The following GALNT13 variants were observed in gnomAD, a reference collection of about 807,000 sequenced individuals.
The protein encoded by GALNT13 is polypeptide N-acetylgalactosaminyltransferase 13.
In GALNT13, 28 loss-of-function variants were observed where a neutral mutation model predicts 64.2. The observed-to-expected ratio is 0.44, with a 90% confidence interval of 0.32 to 0.60. The LOEUF is 0.60. Among genes scored for constraint, GALNT13 ranks in the 20% least tolerant of loss-of-function variants. The pLI is 0.05. For synonymous variants in GALNT13, 214 were observed against 224.6 expected (o/e 0.95, Z 0.42); for missense variants, 577 against 669.8 (o/e 0.86, Z 1.53).
At chr2:153,497,552 TTTTG>T in the GALNT13 span, among the ~76,000 whole-genome samples, 1 of 130,166 alleles carries the variant, frequency 7.7e-6, no homozygotes, top group Non-Finnish European at 1.6e-5. Flanking sequence ...TTTTTTTTTT[TTTTG>T]AGACAGAGTT....
chr2:153,925,823 G>A (rs1356639625), intron 2 of GALNT13, among the ~76,000 whole-genome samples: 1 of 152,032 alleles, frequency 6.6e-6, no homozygotes, highest in Non-Finnish European at 1.5e-5. Context: ...TGTGGCAGTT[G>A]TGAATGGAAG....
the GALNT13 span, among the ~76,000 whole-genome samples, chr2:153,737,569 C>T: frequency 5.9e-5 from 9 of 152,134 alleles, no homozygotes; most frequent in East Asian, 1.4e-3. Flanking sequence ...TGTTTATCTA[C>T]CCTATTTTTA....
At chr2:153,070,348 G>A in the GALNT13 span, among the ~76,000 whole-genome samples, 1 of 152,128 alleles carries the variant, frequency 6.6e-6, no homozygotes, top group Admixed American at 6.6e-5. Context: ...TAGAGCATCA[G>A]GCATTTTTAG....
At chr2:153,787,870 C>T in the GALNT13 span, among the ~76,000 whole-genome samples, 149 of 152,128 alleles carry the variant, frequency 9.8e-4, no homozygotes, top group Non-Finnish European at 1.7e-3. Flanking sequence ...CTGTCTGAAA[C>T]AATACAGTCA....
chr2:153,070,781 T>C, the GALNT13 span, among the ~76,000 whole-genome samples: 1 of 152,198 alleles, frequency 6.6e-6, no homozygotes, highest in African/African-American at 2.4e-5. Context: ...TGACTCTGTA[T>C]ATATTTATTA....
the GALNT13 span, among the ~76,000 whole-genome samples, chr2:153,144,008 A>T: frequency 2.0e-5 from 3 of 152,020 alleles, no homozygotes; most frequent in African/African-American, 7.2e-5. Context: ...ATGAATGCGT[A>T]CGAAATACGC....
chr2:153,115,125 G>A, the GALNT13 span, among the ~76,000 whole-genome samples: 1 of 151,932 alleles, frequency 6.6e-6, no homozygotes, highest in African/African-American at 2.4e-5. Flanking sequence ...GACTGTCCAG[G>A]TAAAGGCTTG....
intron 3 of GALNT13, among the ~76,000 whole-genome samples, chr2:153,993,431 C>CA (rs1695295213): frequency 6.6e-6 from 1 of 151,954 alleles, no homozygotes; most frequent in Non-Finnish European, 1.5e-5. Flanking sequence ...CACAGTGGCT[C>CA]ACACCTGTAA....
At chr2:154,445,745 A>T in intron 12 of GALNT13, 1 of 1,159,736 alleles carries the variant, frequency 8.6e-7, no homozygotes, top group Non-Finnish European at 1.1e-6. Flanking sequence ...GAAGTAGCTT[A>T]ATTTTAACAG....
intron 9 of GALNT13, among the ~76,000 whole-genome samples, chr2:154,394,077 C>A (rs1412647010): frequency 1.9e-4 from 6 of 32,008 alleles, no homozygotes; most frequent in African/African-American, 4.4e-4. Context: ...GACTCCGTCT[C>A]AAAAAAAAAA....
At chr2:153,561,847 C>T in the GALNT13 span, among the ~76,000 whole-genome samples, 3 of 152,010 alleles carry the variant, frequency 2.0e-5, no homozygotes, top group African/African-American at 4.8e-5. Context: ...TAAAAAATTT[C>T]TATTTGTAAA....
intron 1 of GALNT13, among the ~76,000 whole-genome samples, chr2:153,889,878 A>G (rs1034615408): frequency 1.3e-5 from 2 of 151,954 alleles, no homozygotes; most frequent in African/African-American, 4.8e-5. Flanking sequence ...CAGTGGGTTC[A>G]TGCTCATGGC....
chr2:153,814,482 T>G, the GALNT13 span, among the ~76,000 whole-genome samples: 4 of 144,000 alleles, frequency 2.8e-5, no homozygotes, highest in African/African-American at 9.9e-5. Flanking sequence ...AATAAATAAA[T>G]AAATAAATAA....
the GALNT13 span, among the ~76,000 whole-genome samples, chr2:153,540,851 C>G: frequency 3.3e-5 from 5 of 152,212 alleles, no homozygotes; most frequent in Non-Finnish European, 2.9e-5. Context: ...CCCATTGTAT[C>G]TAGAAAGTAA....
intron 9 of GALNT13, among the ~76,000 whole-genome samples, chr2:154,303,622 A>G (rs1693570808): frequency 6.6e-6 from 1 of 152,132 alleles, no homozygotes; most frequent in East Asian, 1.9e-4. Context: ...ATTTCATCTT[A>G]ACTCCTATAT....
At chr2:153,146,357 C>A in the GALNT13 span, among the ~76,000 whole-genome samples, 2 of 151,832 alleles carry the variant, frequency 1.3e-5, no homozygotes, top group Non-Finnish European at 2.9e-5. Context: ...TTACATCCAG[C>A]TTTAATCTAA....
the GALNT13 span, among the ~76,000 whole-genome samples, chr2:153,484,610 T>G: frequency 1.3e-5 from 2 of 152,338 alleles, no homozygotes; most frequent in East Asian, 3.9e-4. Flanking sequence ...TATCCTAATC[T>G]TTAGAGCATT....
chr2:154,263,874 GAAATAACA>G (rs1559055570), intron 8 of GALNT13, among the ~76,000 whole-genome samples: 2 of 152,068 alleles, frequency 1.3e-5, no homozygotes. Flanking sequence ...AAAAATACAT[GAAATAACA>G]CTTTCAAGAC....
chr2:154,364,138 T>C (rs1697231028), intron 9 of GALNT13, among the ~76,000 whole-genome samples: 1 of 152,160 alleles, frequency 6.6e-6, no homozygotes, highest in African/African-American at 2.4e-5. Context: ...GAAATCATAA[T>C]TTCTATTTAT....
Sources: gnomAD v4.1 joint callset for allele counts (sites outside exome capture counted in the v4.1 genomes callset) on GRCh38, gnomAD v4.1.1 for gene constraint, MANE v1.5 for transcripts, NCBI Gene and HGNC (gene_info 2026-07-23, HGNC 2026-07-21) for gene names.